The following RGS6 variants were observed in gnomAD, a reference collection of about 807,000 sequenced individuals.
RGS6 encodes the protein regulator of G-protein signaling 6.
RGS6 carries 30 observed loss-of-function variants against 78.5 expected under a neutral mutation model. The ratio of observed to expected loss-of-function variants is 0.38; its 90% CI spans 0.29 to 0.52. RGS6 has a LOEUF of 0.52. Among genes scored for constraint, RGS6 ranks in the 20% least tolerant of loss-of-function variants. The probability of loss-of-function intolerance (pLI) is 0.85; values close to 1 mark genes in which losing one functional copy is unlikely to be tolerated. For synonymous variants in RGS6, 206 were observed against 206.0 expected (o/e 1.00, Z 0.00); for missense variants, 495 against 609.7 (o/e 0.81, Z 1.98).
intron 2 of RGS6, among the ~76,000 whole-genome samples, chr14:72,180,286 A>G (rs2097157572): frequency 6.6e-6 from 1 of 152,252 alleles, no homozygotes; most frequent in Non-Finnish European, 1.5e-5. Flanking sequence ...CTTAGCCACC[A>G]GAAATCTTGA....
At chr14:71,942,154 A>G (rs556134336) in intron 1 of RGS6, among the ~76,000 whole-genome samples, 1 of 152,330 alleles carries the variant, frequency 6.6e-6, no homozygotes, top group East Asian at 1.9e-4. Flanking sequence ...TTCATGGACC[A>G]CACTACTTCA....
chr14:72,465,554 A>C (rs145864194), intron 6 of RGS6, among the ~76,000 whole-genome samples: 15 of 90,550 alleles, frequency 1.7e-4, no homozygotes, highest in African/African-American at 6.3e-4. Context: ...GGCTGTCTGG[A>C]TGGATGGATG....
rs564668588 is a variant in RGS6 at position 72,208,505 on chromosome 14, A to G, written c.85-143590A>G. ...ATATATACCATGTCTTACCAACATC[A>G]TACCTTAGTATAATGGTCTTTCTAT... On this transcript the variant is annotated intron_variant, in intron 2 of 17. Coordinates refer to ENST00000553525, the MANE Select transcript of RGS6 (RefSeq NM_001204424.2). Among the ~76,000 whole-genome samples the G allele has an allele frequency of 3.3e-5, 5 of 152,346 alleles. No homozygotes were observed. In the South Asian group the frequency reaches 1.0e-3, roughly 32 times the overall value.
chr14:72,131,237 CTG>C (rs1428053276), intron 2 of RGS6, among the ~76,000 whole-genome samples: 2 of 152,186 alleles, frequency 1.3e-5, no homozygotes, highest in Non-Finnish European at 2.9e-5. Flanking sequence ...TAATGCCCGA[CTG>C]TGGATTTTTG....
intron 2 of RGS6, among the ~76,000 whole-genome samples, chr14:72,107,855 CAATATT>C (rs373221870): frequency 0.015 from 2,312 of 152,208 alleles, 24 homozygotes; most frequent in Middle Eastern, 0.027. Flanking sequence ...ATTACACACA[CAATATT>C]AATACTACCA....
At chr14:72,166,958 C>A (rs929694031) in intron 2 of RGS6, among the ~76,000 whole-genome samples, 15 of 152,128 alleles carry the variant, frequency 9.9e-5, no homozygotes, top group African/African-American at 3.6e-4. Flanking sequence ...GTGTTTTTGC[C>A]AGGTATTGTT....
chr14:72,442,393 A>G (rs1433279499), intron 3 of RGS6, among the ~76,000 whole-genome samples: 6 of 151,960 alleles, frequency 3.9e-5, no homozygotes, highest in African/African-American at 1.2e-4. Flanking sequence ...ACTGTTTCCC[A>G]TTGATCCCAA....
intron 2 of RGS6, among the ~76,000 whole-genome samples, chr14:72,261,882 C>G (rs537750371): frequency 6.6e-6 from 1 of 152,260 alleles, no homozygotes; most frequent in East Asian, 1.9e-4. Flanking sequence ...AAAGGTGACT[C>G]TGTTCTAGAG....
At chr14:71,965,920 G>A (rs983072099) in intron 2 of RGS6, among the ~76,000 whole-genome samples, 3 of 152,160 alleles carry the variant, frequency 2.0e-5, no homozygotes, top group African/African-American at 7.2e-5. Context: ...GGCAAGTAGA[G>A]GGTCAAAGAT....
At chr14:72,296,023 A>G (rs936631043) in intron 2 of RGS6, among the ~76,000 whole-genome samples, 1 of 152,178 alleles carries the variant, frequency 6.6e-6, no homozygotes, top group Non-Finnish European at 1.5e-5. Context: ...CTTCCCAATA[A>G]ATCTTTCCCA....
intron 2 of RGS6, among the ~76,000 whole-genome samples, chr14:72,060,621 A>G (rs1372507954): frequency 6.6e-6 from 1 of 152,214 alleles, no homozygotes; most frequent in Non-Finnish European, 1.5e-5. Flanking sequence ...TTTTATTTAA[A>G]TAGACTGAAT....
intron 2 of RGS6, among the ~76,000 whole-genome samples, chr14:72,154,025 C>G (rs2096733381): frequency 6.6e-6 from 1 of 152,108 alleles, no homozygotes; most frequent in Admixed American, 6.5e-5. Flanking sequence ...GACAGACATT[C>G]CCAGAGCGGC....
the RGS6 span, among the ~76,000 whole-genome samples, chr14:71,925,712 C>CATAATATATT: frequency 1.0e-5 from 1 of 96,258 alleles, no homozygotes; most frequent in South Asian, 3.1e-4. Flanking sequence ...TAGATGACTT[C>CATAATATATT]ATATTATATT....
intron 3 of RGS6, among the ~76,000 whole-genome samples, chr14:72,407,038 A>G (rs969809097): frequency 2.0e-5 from 3 of 152,080 alleles, no homozygotes; most frequent in Admixed American, 6.5e-5. Context: ...TGTATGTACA[A>G]TTTTCTTTAG....
chr14:72,340,378 G>C (rs1022793125), intron 2 of RGS6, among the ~76,000 whole-genome samples: 3 of 152,244 alleles, frequency 2.0e-5, no homozygotes, highest in Middle Eastern at 3.4e-3. Flanking sequence ...AAAGAAGGAG[G>C]CTCCTTAGGG....
chr14:72,024,529 A>T (rs992506356), intron 2 of RGS6, among the ~76,000 whole-genome samples: 1 of 152,170 alleles, frequency 6.6e-6, no homozygotes, highest in African/African-American at 2.4e-5. Context: ...CCCCAGCATC[A>T]CTAATGGATT....
At chr14:72,395,780 G>A (rs1472419403) in intron 3 of RGS6, among the ~76,000 whole-genome samples, 2 of 152,200 alleles carry the variant, frequency 1.3e-5, no homozygotes, top group East Asian at 3.9e-4. Context: ...AGAACATGTG[G>A]TGTTTGGTTT....
Position 72,327,147 on chromosome 14 carries a change from T to G in RGS6, c.85-24948T>G, listed in dbSNP as rs112285907. Among the ~76,000 whole-genome samples the G allele has an allele frequency of 9.2e-3, 1,399 of 152,332 alleles. 11 individuals carry two copies. Among genetic ancestry groups the G allele is most frequent in the South Asian group, 0.023 (111 of 4,818 alleles). On this transcript the variant is annotated intron_variant, in intron 2 of 17. Coordinates refer to ENST00000553525, the MANE Select transcript of RGS6 (RefSeq NM_001204424.2). ...TTTTTAATGTATCCCCTTTTTTATC[T>G]GTTAATTTTTTTATGTGTATATGTA...
intron 1 of RGS6, among the ~76,000 whole-genome samples, chr14:71,948,881 A>G (rs1735803781): frequency 1.3e-5 from 2 of 151,266 alleles, no homozygotes; most frequent in African/African-American, 4.9e-5. Flanking sequence ...TAACACTGTA[A>G]CTTTCTCTTT....
Sources: gnomAD v4.1 joint callset for allele counts (sites outside exome capture counted in the v4.1 genomes callset) on GRCh38, gnomAD v4.1.1 for gene constraint, MANE v1.5 for transcripts, NCBI Gene and HGNC (gene_info 2026-07-23, HGNC 2026-07-21) for gene names.